The following AK4 variants were observed in gnomAD, a reference collection of about 807,000 sequenced individuals.
AK4 encodes the protein adenylate kinase 4.
Under a neutral mutation model 24.6 loss-of-function variants are expected in AK4, and 13 were observed. The observed-to-expected ratio is 0.53, with a 90% confidence interval of 0.34 to 0.84. The LOEUF is 0.84. Ranked by LOEUF, AK4 falls within the 40% of genes least tolerant of loss-of-function variation. The pLI, the probability that AK4 is intolerant of heterozygous loss-of-function variation, is 0.01. For synonymous variants in AK4, 88 were observed against 107.0 expected (o/e 0.82, Z 1.10); for missense variants, 192 against 288.2 (o/e 0.67, Z 2.42).
At chr1:65,172,239 C>A (rs1305820918) in intron 1 of AK4, among the ~76,000 whole-genome samples, 6 of 151,110 alleles carry the variant, frequency 4.0e-5, no homozygotes, top group Admixed American at 2.6e-4. Flanking sequence ...AGCTCTACTG[C>A]ACCAAGTTAA....
chr1:65,212,837 A>G (rs948057888), intron 2 of AK4, among the ~76,000 whole-genome samples: 2 of 152,234 alleles, frequency 1.3e-5, no homozygotes, highest in Admixed American at 6.5e-5. Flanking sequence ...ACTGAATCCA[A>G]GCTTAATTAA....
chr1:65,179,703 C>T (rs1284105221), intron 1 of AK4, among the ~76,000 whole-genome samples: 1 of 152,068 alleles, frequency 6.6e-6, no homozygotes, highest in African/African-American at 2.4e-5. Context: ...GGCATGGTGG[C>T]ATGTGCCTGT....
chr1:65,200,127 T>C (rs999802800), intron 2 of AK4, among the ~76,000 whole-genome samples: 12 of 152,152 alleles, frequency 7.9e-5, no homozygotes, highest in African/African-American at 9.6e-5. Flanking sequence ...TGTTTTGTTT[T>C]GTTTTGTCAG....
Position 65,228,826 on chromosome 1 carries a change from T to G in AK4, c.*2649T>G, listed in dbSNP as rs1056713071. The G allele has an allele frequency of 3.9e-5, 6 of 152,052 alleles. No homozygotes were observed. Among genetic ancestry groups the G allele is most frequent in the African/African-American group, 1.4e-4 (6 of 41,410 alleles). 9.4% of individuals were successfully genotyped at this position (152,052 alleles called of 1,614,324 possible). Reference sequence around the variant, plus strand: ...CCAACCTGACCTCGCATTCTGTCATTCTACCCAGCTCTTAATTCAATTTGC... The same window carrying G: ...CCAACCTGACCTCGCATTCTGTCATGCTACCCAGCTCTTAATTCAATTTGC... On this transcript the variant is annotated 3_prime_UTR_variant, in exon 5 of 5. Coordinates refer to ENST00000327299, the MANE Select transcript of AK4 (RefSeq NM_013410.4).
At chr1:65,202,058 A>G (rs1480428393) in intron 2 of AK4, among the ~76,000 whole-genome samples, 1 of 152,220 alleles carries the variant, frequency 6.6e-6, no homozygotes, top group Non-Finnish European at 1.5e-5. Flanking sequence ...TTTGAGTTTA[A>G]AAGTGTGAAC....
intron 1 of AK4, among the ~76,000 whole-genome samples, chr1:65,157,853 A>C (rs1438217418): frequency 6.6e-6 from 1 of 152,118 alleles, no homozygotes; most frequent in African/African-American, 2.4e-5. Flanking sequence ...CAGCTAACCC[A>C]GCATTTAGGA....
intron 1 of AK4, among the ~76,000 whole-genome samples, chr1:65,155,551 T>C (rs1570060990): frequency 1.3e-5 from 2 of 152,208 alleles, no homozygotes; most frequent in East Asian, 3.8e-4. Context: ...ATTTTCTGAT[T>C]ATAGAAATAA....
chr1:65,148,190 T>G (rs889688012), upstream of AK4: 6 of 983,008 alleles, frequency 6.1e-6, no homozygotes, highest in Non-Finnish European at 8.5e-6. Flanking sequence ...CGGGGAGGTG[T>G]AGCGTGGCGC....
chr1:65,213,784 C>G (rs186242460), intron 2 of AK4, among the ~76,000 whole-genome samples: 567 of 152,208 alleles, frequency 3.7e-3, no homozygotes, highest in Non-Finnish European at 5.7e-3. Flanking sequence ...CCCTAACTGC[C>G]CCCCCAGTAC....
intron 1 of AK4, among the ~76,000 whole-genome samples, chr1:65,184,286 T>C (rs1047496113): frequency 8.5e-5 from 13 of 152,226 alleles, no homozygotes; most frequent in Non-Finnish European, 1.5e-4. Context: ...TTTCTCTCTA[T>C]ATGAACACAT....
chr1:65,172,972 C>G (rs1026548847), intron 1 of AK4, among the ~76,000 whole-genome samples: 6 of 149,678 alleles, frequency 4.0e-5, no homozygotes, highest in Non-Finnish European at 7.4e-5. Flanking sequence ...AAGCGATTCT[C>G]CTGTCTCAAC....
At chr1:65,192,868 C>T (rs546523228) in intron 2 of AK4, among the ~76,000 whole-genome samples, 1 of 152,336 alleles carries the variant, frequency 6.6e-6, no homozygotes, top group East Asian at 1.9e-4. Context: ...TCTCTGTGGA[C>T]TCCATATTCT....
intron 2 of AK4, among the ~76,000 whole-genome samples, chr1:65,202,637 C>CA (rs1322661619): frequency 6.6e-6 from 1 of 151,988 alleles, no homozygotes; most frequent in East Asian, 1.9e-4. Flanking sequence ...ATTTATGAAA[C>CA]AGGTAATTCA....
intron 3 of AK4, among the ~76,000 whole-genome samples, chr1:65,223,869 C>T (rs1652371633): frequency 6.6e-6 from 1 of 152,058 alleles, no homozygotes; most frequent in Non-Finnish European, 1.5e-5. Flanking sequence ...TGGTGGCAGG[C>T]ACCTGTAATC....
chr1:65,178,940 C>T (rs1015934148), intron 1 of AK4, among the ~76,000 whole-genome samples: 1 of 152,154 alleles, frequency 6.6e-6, no homozygotes, highest in Admixed American at 6.5e-5. Context: ...CCATGCCATC[C>T]TACAAGCCAA....
chr1:65,153,771 C>T (rs1045056516), intron 1 of AK4, among the ~76,000 whole-genome samples: 3 of 152,134 alleles, frequency 2.0e-5, no homozygotes, highest in Non-Finnish European at 2.9e-5. Flanking sequence ...TGAATGTCCT[C>T]ATTCATACCG....
chr1:65,185,752 A>G (rs1651076126), intron 1 of AK4, among the ~76,000 whole-genome samples: 1 of 151,494 alleles, frequency 6.6e-6, no homozygotes, highest in Admixed American at 6.6e-5. Context: ...CTGGGATTAC[A>G]GATAGGCACA....
At chr1:65,151,030 T>C (rs1450425794) in intron 1 of AK4, among the ~76,000 whole-genome samples, 1 of 152,190 alleles carries the variant, frequency 6.6e-6, no homozygotes, top group Non-Finnish European at 1.5e-5. Flanking sequence ...CTCGGCTCGC[T>C]GCAACCTCTG....
intron 2 of AK4, among the ~76,000 whole-genome samples, chr1:65,196,577 T>G (rs531593843): frequency 6.6e-6 from 1 of 152,038 alleles, no homozygotes; most frequent in African/African-American, 2.4e-5. Flanking sequence ...CGATTCTCCT[T>G]CCTCAGCCTC....
Sources: gnomAD v4.1 joint callset for allele counts (sites outside exome capture counted in the v4.1 genomes callset) on GRCh38, gnomAD v4.1.1 for gene constraint, MANE v1.5 for transcripts, NCBI Gene and HGNC (gene_info 2026-07-23, HGNC 2026-07-21) for gene names.